MARK4: variants seen among roughly 807,000 people sequenced by gnomAD.
MARK4 encodes the protein microtubule affinity regulating kinase 4.
A neutral mutation model predicts 81.5 loss-of-function variants in MARK4; 19 were observed. That is an observed-to-expected ratio of 0.23 (90% CI 0.16 to 0.34). The LOEUF (loss-of-function observed/expected upper bound fraction) is 0.34. Ranked by LOEUF, MARK4 falls within the 10% of genes least tolerant of loss-of-function variation. The probability of loss-of-function intolerance (pLI) is 1.00; values close to 1 mark genes in which losing one functional copy is unlikely to be tolerated. For synonymous variants in MARK4, 436 were observed against 439.0 expected (o/e 0.99, Z 0.08); for missense variants, 772 against 1,058.8 (o/e 0.73, Z 3.76).
intron 9 of MARK4, 21 bp downstream of exon 9, chr19:45,278,063 A>G: frequency 6.2e-7 from 1 of 1,612,102 alleles, no homozygotes; most frequent in African/African-American, 1.3e-5. Context: ...CCTCACAGCC[A>G]GCGGGAGCCC....
rs1380394877 is a variant in MARK4 at position 45,271,151 on chromosome 19, C to T, written c.550-321C>T. ...GAACTCCTGACCTCAGGTGATCCAC[C>T]TGCCTTGGCCTCCCAAAGTGCTGGT... On this transcript the variant is annotated intron_variant, in intron 7 of 16. Transcript: ENST00000262891. This position sits in a 1 kb window ranked among gnomAD's most constrained non-coding sequence, Gnocchi z 4.1. Among the ~76,000 whole-genome samples the T allele has an allele frequency of 6.6e-6, 1 of 152,216 alleles. No individual in the cohort carries two copies. The highest frequency in any genetic ancestry group is 1.9e-4 in the East Asian group (1 of 5,196).
intron 2 of MARK4, among the ~76,000 whole-genome samples, chr19:45,261,888 G>A (rs1051219923): frequency 7.3e-5 from 11 of 150,786 alleles, no homozygotes; most frequent in Non-Finnish European, 1.2e-4. Flanking sequence ...AGCCAAGATT[G>A]CGCCATTGCA....
chr19:45,282,429 C>T (rs563353379), intron 12 of MARK4, among the ~76,000 whole-genome samples: 3 of 152,024 alleles, frequency 2.0e-5, no homozygotes, highest in African/African-American at 7.2e-5. Flanking sequence ...TGGTGGCTCA[C>T]GCCTGTAATC....
At chr19:45,281,167 C>T (rs1970669035) in intron 12 of MARK4, among the ~76,000 whole-genome samples, 1 of 151,656 alleles carries the variant, frequency 6.6e-6, no homozygotes, top group South Asian at 2.1e-4. Context: ...ATTCTTCTGC[C>T]TTAGGCTCCC....
intron 14 of MARK4, 65 bp downstream of exon 14, chr19:45,294,517 T>G: frequency 7.4e-7 from 1 of 1,343,480 alleles, no homozygotes; most frequent in Non-Finnish European, 1.1e-6. Flanking sequence ...GGACCTCCCT[T>G]GATCTGAGAT....
At chr19:45,263,728 C>T (rs534173582) in intron 4 of MARK4, among the ~76,000 whole-genome samples, 5 of 144,300 alleles carry the variant, frequency 3.5e-5, no homozygotes, top group African/African-American at 1.0e-4. Context: ...GGCAATAAAG[C>T]GAGACTTCAT....
In MARK4 at chr19:45,280,601, G is replaced by A. The variant is rs1402751489; in HGVS notation, c.1143G>A (p.Gly381=). The stretch of plus-strand genomic sequence containing the variant: ...AGGGTGGGGACCGGGGCGCCCCAGG[G>A]CTGGCCCTGGCACGGGTGCGGGCGC... The part of the protein sequence containing the change: ...TEEGGDRGAP[G]LALARVRAPS... Residue 381 remains glycine (G), a synonymous_variant, in exon 12 of 17, where the codon GGG becomes GGA. Transcript: ENST00000262891. The A allele has an allele frequency of 6.2e-7, 1 of 1,613,900 alleles. No individual in the cohort carries two copies. Among genetic ancestry groups the A allele is most frequent in the South Asian group, 1.1e-5 (1 of 91,068 alleles).
rs569245440 is a variant in MARK4 at position 45,257,760 on chromosome 19, G to T, written c.52-1229G>T. Among the ~76,000 whole-genome samples the T allele has an allele frequency of 1.1e-4, 16 of 150,430 alleles. 1 individual carries two copies. The East Asian group carries it at 2.9e-3, about 28-fold the overall frequency. On this transcript the variant is annotated intron_variant, in intron 1 of 16. Coordinates refer to ENST00000262891, the MANE Select transcript of MARK4 (RefSeq NM_001199867.2). ...GCTGGAGTGCAGCGGCGCGATCTCG[G>T]CTCACTGCAAGCTCCACCTCCTGGG... is the stretch of plus-strand genomic sequence containing the variant.
rs1970943021 is a variant in MARK4, at chr19:45,299,801, C to T, written c.1878-10C>T. 1 of 1,595,028 alleles carries T rather than the reference C, an allele frequency of 6.3e-7. No homozygotes were observed. The highest frequency in any genetic ancestry group is 8.6e-7 in the Non-Finnish European group (1 of 1,167,194). On this transcript the variant is annotated splice_polypyrimidine_tract_variant and intron_variant, in intron 15 of 16. Transcript: ENST00000262891. Reference sequence around the variant, plus strand: ...CAGATTAGACACTCTGTCCCCCTCCCCTCCCCTAGGGTCGCAGACGAACCT... The same window carrying T: ...CAGATTAGACACTCTGTCCCCCTCCTCTCCCCTAGGGTCGCAGACGAACCT...
intron 4 of MARK4, among the ~76,000 whole-genome samples, 196 bp downstream of exon 4, chr19:45,263,563 G>A (rs999720276): frequency 1.3e-5 from 2 of 152,014 alleles, no homozygotes; most frequent in African/African-American, 2.4e-5. Flanking sequence ...CCAACATGGT[G>A]AAACTCTGTC....
chr19:45,257,849 C>G (rs894699390), intron 1 of MARK4, among the ~76,000 whole-genome samples: 1 of 151,424 alleles, frequency 6.6e-6, no homozygotes, highest in Non-Finnish European at 1.5e-5. Flanking sequence ...ACTGCCACGC[C>G]TGGCTAATTT....
intron 14 of MARK4, among the ~76,000 whole-genome samples, chr19:45,296,463 G>A (rs1032205002): frequency 5.3e-5 from 8 of 152,238 alleles, no homozygotes; most frequent in Admixed American, 2.0e-4. Flanking sequence ...TGGGGAAAGA[G>A]TAGGGGACAA....
intron 14 of MARK4, among the ~76,000 whole-genome samples, chr19:45,297,180 C>T (rs1449706114): frequency 2.6e-5 from 4 of 152,106 alleles, no homozygotes; most frequent in East Asian, 1.9e-4. Context: ...TAGGAGGGTC[C>T]GAGGGGCTGG....
At chr19:45,279,850 A>G (rs533871862) in intron 10 of MARK4, among the ~76,000 whole-genome samples, 6 of 152,298 alleles carry the variant, frequency 3.9e-5, no homozygotes, top group African/African-American at 7.2e-5. Flanking sequence ...CATGCCTTCA[A>G]TGAAGCAGTC....
chr19:45,298,204 C>T (rs1470067509), intron 15 of MARK4: 2 of 1,613,976 alleles, frequency 1.2e-6, no homozygotes, highest in East Asian at 2.2e-5. Flanking sequence ...CGCCTCTCTG[C>T]CCCAGGGATC....
At position 45,287,676 on chromosome 19, in the gene MARK4, G is replaced by A. The variant is rs199735832; in HGVS notation, c.1494+12G>A. 111 of 1,602,956 alleles carry A rather than the reference G, an allele frequency of 6.9e-5. No homozygotes were observed. The East Asian group carries it at 2.4e-3, about 35-fold the overall frequency. On this transcript the variant is annotated intron_variant, in intron 13 of 16. Transcript: ENST00000262891. The stretch of plus-strand genomic sequence containing the variant: ...GCACGAGCACCCCCGTGAGTGACCA[G>A]GGCTGGGGGGCAGGGCTGGGGGCGC...
intron 4 of MARK4, among the ~76,000 whole-genome samples, chr19:45,264,357 C>A (rs541194870): frequency 6.6e-6 from 1 of 151,822 alleles, no homozygotes; most frequent in Non-Finnish European, 1.5e-5. Context: ...CAAAATTAGC[C>A]GGATATGGTG....
intron 13 of MARK4, chr19:45,288,063 C>A: frequency 4.5e-6 from 1 of 223,784 alleles, no homozygotes; most frequent in Non-Finnish European, 9.1e-6. Context: ...GCCATCTCAA[C>A]TAAAAATCAA....
intron 13 of MARK4, among the ~76,000 whole-genome samples, chr19:45,292,733 TTG>T (rs1970835361): frequency 6.6e-6 from 1 of 151,532 alleles, no homozygotes; most frequent in Non-Finnish European, 1.5e-5. Context: ...TAGCTAAGTG[TTG>T]TGGCACATGC....
Sources: allele counts gnomAD v4.1 joint callset (sites outside exome capture counted in the v4.1 genomes callset), GRCh38; gene constraint gnomAD v4.1.1; non-coding constraint Gnocchi (gnomAD v3.1); transcripts MANE v1.5; gene names NCBI Gene and HGNC (gene_info 2026-07-23, HGNC 2026-07-21).